Variants in PCDHA11 observed in about 807,000 individuals in gnomAD.
PCDHA11 encodes protocadherin alpha-11.
PCDHA11 carries 61 observed loss-of-function variants against 70.3 expected under a neutral mutation model. The observed-to-expected ratio is 0.87, with a 90% confidence interval of 0.71 to 1.07. The LOEUF is 1.07. Ranked by LOEUF, PCDHA11 falls within the 50% of genes least tolerant of loss-of-function variation. The probability of loss-of-function intolerance (pLI) is 0.00; values close to 1 mark genes in which losing one functional copy is unlikely to be tolerated. For synonymous variants in PCDHA11, 633 were observed against 555.1 expected, an observed-to-expected ratio of 1.14 and a Z score of -1.97; for missense variants, 1,324 against 1,237.5, an observed-to-expected ratio of 1.07 and a Z score of -1.05.
rs2086142013 is a variant in PCDHA11, at chr5:140,929,415, C to T, written c.2392-49534C>T. 11 of 1,504,150 alleles carry T rather than the reference C, an allele frequency of 7.3e-6. 1 individual carries two copies. In the South Asian group the frequency reaches 1.2e-4, roughly 17 times the overall value. 93.2% of individuals were successfully genotyped at this position (1,504,150 alleles called of 1,614,324 possible). A position where few individuals can be genotyped will look rare whatever the true frequency, so the allele number is the denominator to read the frequency against. On this transcript the variant is annotated intron_variant, in intron 1 of 3. Coordinates refer to ENST00000398640, the MANE Select transcript of PCDHA11 (RefSeq NM_018902.5). The stretch of plus-strand genomic sequence containing the variant: ...TATTTCTTAGACAAGCCTTTCACAA[C>T]ATTTCATCAATTGAACTAAACACTC...
intron 1 of PCDHA11, chr5:140,967,251 C>T: frequency 6.2e-7 from 1 of 1,613,408 alleles, no homozygotes; most frequent in Non-Finnish European, 8.5e-7. Context: ...GAATCGGTGG[C>T]GCCTGGAGCG....
rs782093100 is a variant in PCDHA11, at chr5:140,871,327, C to T, written c.2224C>T (p.Arg742Cys). Residue 742 changes from arginine (R) to cysteine (C), a missense_variant, in exon 1 of 4, where the codon CGC becomes TGC. By Grantham distance (180) the Arg-to-Cys change is radical (BLOSUM62 -3). Coordinates refer to ENST00000398640, the MANE Select transcript of PCDHA11 (RefSeq NM_018902.5). ...GGGGAAGCCCACGCTGGTGTGCTCC[C>T]GCGCGGTGGGGAGCTGGTCATACTC... ...APGKPTLVCSRAVGSWSYSQQ... is the reference protein window; with the variant it reads ...APGKPTLVCSCAVGSWSYSQQ... 10 of 1,613,984 alleles carry T rather than the reference C, an allele frequency of 6.2e-6. No individual in the cohort carries two copies. Among genetic ancestry groups the T allele is most frequent in the East Asian group, 4.5e-5 (2 of 44,894 alleles).
chr5:140,901,213 G>A (rs2068513524), intron 1 of PCDHA11, among the ~76,000 whole-genome samples: 1 of 152,040 alleles, frequency 6.6e-6, no homozygotes, highest in Non-Finnish European at 1.5e-5. Flanking sequence ...TTTTTAAGTT[G>A]ATGTGATCCC....
rs534304787 is a variant in PCDHA11, at chr5:140,885,393, TA to T, written c.2391+13901del. Among the ~76,000 whole-genome samples the T allele has an allele frequency of 3.1e-3, 468 of 152,312 alleles. 3 individuals carry two copies. Among genetic ancestry groups the T allele is most frequent in the Middle Eastern group, 0.014 (4 of 294 alleles). The stretch of plus-strand genomic sequence containing the variant: ...TACCTTTTGGCAGTCCCTGCAAATC[TA>T]ATGGTTTTAATAGCTGTGTAGTATT... On this transcript the variant is annotated intron_variant, in intron 1 of 3. Transcript: ENST00000398640.
At chr5:140,875,905 T>A (rs1554168057) in intron 1 of PCDHA11, 1 of 1,614,222 alleles carries the variant, frequency 6.2e-7, no homozygotes, top group Admixed American at 1.7e-5. Flanking sequence ...TGTTTCTGAA[T>A]CTGCGCCTCT....
chr5:141,005,701 CAAAAAAAAAAAAA>C (rs59860837), intron 3 of PCDHA11, among the ~76,000 whole-genome samples: 12 of 7,786 alleles, frequency 1.5e-3, no homozygotes, highest in Non-Finnish European at 2.7e-3. Context: ...AACTCCGTCT[CAAAAAAAAAAAAA>C]AAAAAAAAAA....
At chr5:140,967,498 T>A (rs1554229623) in intron 1 of PCDHA11, 3 of 1,613,108 alleles carry the variant, frequency 1.9e-6, no homozygotes, top group Non-Finnish European at 2.5e-6. Flanking sequence ...CACAGATCTC[T>A]GTGCGTGTCC....
At chr5:140,925,286 A>G (rs545624226) in intron 1 of PCDHA11, among the ~76,000 whole-genome samples, 9 of 152,288 alleles carry the variant, frequency 5.9e-5, no homozygotes, top group African/African-American at 2.2e-4. Context: ...TTGCCTTTCA[A>G]ATGTTTCATT....
At chr5:140,913,667 G>A (rs2076425699) in intron 1 of PCDHA11, among the ~76,000 whole-genome samples, 2 of 152,000 alleles carry the variant, frequency 1.3e-5, no homozygotes, top group South Asian at 2.1e-4. Flanking sequence ...GTATAGTTAG[G>A]TTATTTAAAA....
intron 3 of PCDHA11, among the ~76,000 whole-genome samples, chr5:140,986,524 G>C (rs2097203903): frequency 6.6e-6 from 1 of 152,198 alleles, no homozygotes; most frequent in South Asian, 2.1e-4. Flanking sequence ...GCCTGTGAGG[G>C]AACTGGCCTG....
At chr5:140,926,362 C>G (rs1199629040) in intron 1 of PCDHA11, 4 of 152,268 alleles carry the variant, frequency 2.6e-5, no homozygotes, top group African/African-American at 9.7e-5. Context: ...TCCCAAAGGG[C>G]GGCAGGAAGA....
chr5:140,900,432 C>T (rs782344144), intron 1 of PCDHA11, among the ~76,000 whole-genome samples: 1 of 152,178 alleles, frequency 6.6e-6, no homozygotes, highest in Non-Finnish European at 1.5e-5. Flanking sequence ...CACGTGCCAC[C>T]ACGGCCGGCT....
intron 1 of PCDHA11, chr5:140,882,201 CT>C: frequency 6.5e-7 from 1 of 1,528,460 alleles, no homozygotes; most frequent in South Asian, 1.3e-5. Context: ...AAAATTGGGC[CT>C]TGAGAGACAG....
At chr5:140,917,334 G>GGGGGGGGGGGGGGT in intron 1 of PCDHA11, among the ~76,000 whole-genome samples, 1 of 147,630 alleles carries the variant, frequency 6.8e-6, no homozygotes, top group Non-Finnish European at 1.5e-5. Flanking sequence ...CGGGGGAGGG[G>GGGGGGGGGGGGGGT]GGGGATGGTG....
At chr5:140,961,458 G>A (rs1371131275) in intron 1 of PCDHA11, among the ~76,000 whole-genome samples, 2 of 152,150 alleles carry the variant, frequency 1.3e-5, no homozygotes, top group Non-Finnish European at 2.9e-5. Context: ...TCTTGCAGCT[G>A]CCTTTCTTTT....
intron 1 of PCDHA11, chr5:140,882,822 G>C: frequency 6.2e-7 from 1 of 1,614,198 alleles, no homozygotes; most frequent in South Asian, 1.1e-5. Context: ...GCACAAAACA[G>C]TCTTGAGCAA....
intron 3 of PCDHA11, among the ~76,000 whole-genome samples, chr5:140,997,288 T>C (rs1554255825): frequency 1.3e-5 from 2 of 152,222 alleles, no homozygotes; most frequent in African/African-American, 4.8e-5. Context: ...CACTTAACAA[T>C]GGGGATACAC....
At chr5:140,984,307 G>T (rs2153833813) in intron 3 of PCDHA11, among the ~76,000 whole-genome samples, 1 of 152,288 alleles carries the variant, frequency 6.6e-6, no homozygotes, top group Non-Finnish European at 1.5e-5. Context: ...GCTGGTTGGT[G>T]TGTATTCCTA....
chr5:140,925,048 C>A (rs574148178), intron 1 of PCDHA11, among the ~76,000 whole-genome samples: 1 of 150,658 alleles, frequency 6.6e-6, no homozygotes, highest in South Asian at 2.1e-4. Flanking sequence ...AAGTTTGAGA[C>A]CAGACTGGGC....
Sources: allele counts gnomAD v4.1 joint callset (sites outside exome capture counted in the v4.1 genomes callset), GRCh38; gene constraint gnomAD v4.1.1; transcripts MANE v1.5; gene names NCBI Gene and HGNC (gene_info 2026-07-23, HGNC 2026-07-21).